Variants in ERO1B observed in about 807,000 individuals in gnomAD.
ERO1B encodes endoplasmic reticulum oxidoreductase 1 beta.
A neutral mutation model predicts 75.3 loss-of-function variants in ERO1B; 49 were observed. The observed-to-expected ratio is 0.65, with a 90% CI of 0.52 to 0.83. The LOEUF (loss-of-function observed/expected upper bound fraction) is 0.83. ERO1B is among the 40% of genes least tolerant of loss of function. ERO1B has a pLI of 0.00. For missense variants in ERO1B, 512 were observed against 560.1 expected, an observed-to-expected ratio of 0.91 and a Z score of 0.87; for synonymous variants, 191 against 192.9, an observed-to-expected ratio of 0.99 and a Z score of 0.08.
intron 2 of ERO1B, among the ~76,000 whole-genome samples, chr1:236,257,291 C>T (rs1665180323): frequency 6.6e-6 from 1 of 152,160 alleles, no homozygotes; most frequent in Non-Finnish European, 1.5e-5. Context: ...ATATAATACA[C>T]AGAAACCAAT....
intron 2 of ERO1B, among the ~76,000 whole-genome samples, chr1:236,259,523 A>G (rs1196881948): frequency 6.6e-6 from 1 of 152,176 alleles, no homozygotes; most frequent in Non-Finnish European, 1.5e-5. Flanking sequence ...CTAAGGACAC[A>G]CACAGACTGA....
At chr1:236,225,662 C>T (rs548105013) in intron 12 of ERO1B, among the ~76,000 whole-genome samples, 6 of 152,304 alleles carry the variant, frequency 3.9e-5, no homozygotes, top group East Asian at 3.9e-4. Flanking sequence ...AGGCCAGGCG[C>T]GATGGCCCAT....
At chr1:236,223,565 T>C (rs1279561453) in intron 13 of ERO1B, among the ~76,000 whole-genome samples, 3 of 152,208 alleles carry the variant, frequency 2.0e-5, no homozygotes, top group African/African-American at 7.2e-5. Flanking sequence ...TGTAAGTTCT[T>C]TGCAGCAGAT....
chr1:236,235,020 A>T (rs910295234), intron 8 of ERO1B, among the ~76,000 whole-genome samples: 1 of 152,246 alleles, frequency 6.6e-6, no homozygotes, highest in African/African-American at 2.4e-5. Flanking sequence ...TAGTCTTACC[A>T]AAACAATAAG....
chr1:236,219,303 T>TA (rs1664075826), intron 15 of ERO1B, among the ~76,000 whole-genome samples: 1 of 152,118 alleles, frequency 6.6e-6, no homozygotes, highest in African/African-American at 2.4e-5. Context: ...ATACCACTAC[T>TA]AAAGGGCAGG....
chr1:236,266,238 C>G (rs1665432322), intron 2 of ERO1B, among the ~76,000 whole-genome samples: 1 of 152,246 alleles, frequency 6.6e-6, no homozygotes, highest in African/African-American at 2.4e-5. Flanking sequence ...CAGCAGCCAA[C>G]TGCCCAACTG....
At chr1:236,248,656 T>C (rs1270888082) in intron 5 of ERO1B, among the ~76,000 whole-genome samples, 1 of 152,142 alleles carries the variant, frequency 6.6e-6, no homozygotes, top group Non-Finnish European at 1.5e-5. Context: ...ATATAGGATA[T>C]CATTTATACA....
Position 236,236,396 on chromosome 1 carries a change from C to T in ERO1B, c.508G>A (p.Glu170Lys). The change falls in exon 7 of 16, where the codon GAG becomes AAG. Residue 170 changes from glutamate (E) to lysine (K), a missense_variant and splice_region_variant. Glu to Lys is a moderately conservative substitution (Grantham distance 56, BLOSUM62 1). Transcript: ENST00000354619. Reference sequence around the variant, plus strand: ...ACATACTGAGCAGCTGGAGATCTCTCATCTGAACAAGAAAAAATTCATAAA... The same window carrying T: ...ACATACTGAGCAGCTGGAGATCTCTTATCTGAACAAGAAAAAATTCATAAA... ...SRDHFCELDDERSPAAQYVDL... is the reference protein window; with the variant it reads ...SRDHFCELDDKRSPAAQYVDL... 1 of 1,613,350 alleles carries T rather than the reference C, an allele frequency of 6.2e-7. No homozygotes were observed.
At chr1:236,273,440 C>A (rs932895193) in intron 1 of ERO1B, among the ~76,000 whole-genome samples, 5 of 152,066 alleles carry the variant, frequency 3.3e-5, no homozygotes, top group African/African-American at 1.2e-4. Context: ...TACCACAATC[C>A]AAATTTAGAT....
chr1:236,236,180 G>T, intron 7 of ERO1B, 98 bp downstream of exon 7: 2 of 1,471,702 alleles, frequency 1.4e-6, no homozygotes, highest in Non-Finnish European at 1.9e-6. Context: ...ACCCACCTTG[G>T]CCTCCCAAAG....
In ERO1B at chr1:236,269,949, C is replaced by T. The variant is rs764626814; in HGVS notation, c.148G>A (p.Asp50Asn). 3.7e-6 allele frequency: 6 copies of T among 1,604,236 alleles called. No homozygotes were observed. The highest frequency in any genetic ancestry group is 1.7e-4 in the Middle Eastern group (1 of 6,030). Residue 50 changes from aspartate to asparagine, a missense_variant, in exon 2 of 16, where the codon GAT (aspartate) becomes AAT (asparagine). By Grantham distance (23) the Asp-to-Asn change is conservative. Coordinates refer to ENST00000354619, the MANE Select transcript of ERO1B (RefSeq NM_019891.4). ...DDCLCDIDSI[D>N]NFNTYKIFPK... ...AAGATTTTGTAGGTATTGAAGTTAT[C>T]GATGCTGTCAATATCACACAAGCAA...
intron 6 of ERO1B, among the ~76,000 whole-genome samples, chr1:236,241,468 C>A (rs1476358556): frequency 1.1e-4 from 16 of 151,802 alleles, no homozygotes; most frequent in Non-Finnish European, 7.4e-5. Context: ...TTGCTTGAAC[C>A]TAGGAGACAG....
At chr1:236,247,440 T>C (rs556666264) in intron 5 of ERO1B, among the ~76,000 whole-genome samples, 9 of 152,320 alleles carry the variant, frequency 5.9e-5, no homozygotes, top group Admixed American at 4.6e-4. Context: ...CAAATCCTGT[T>C]AGCTTTATCT....
Position 236,217,672 on chromosome 1 carries a change from GT to G in ERO1B, c.*843del, listed in dbSNP as rs1558503090. On this transcript the variant is annotated 3_prime_UTR_variant, in exon 16 of 16. Transcript: ENST00000354619. The stretch of plus-strand genomic sequence containing the variant: ...AAGTAATCTGTTAAATATTTCTGCA[GT>G]GTTTTCTTTCTAAAAGTAACTGACA... The G allele has an allele frequency of 1.3e-5, 2 of 152,518 alleles. No individual in the cohort carries two copies. The highest frequency in any genetic ancestry group is 6.6e-5 in the Admixed American group (1 of 15,262). The allele number at this position is 152,518 out of a possible 1,614,324, so 9.4% of individuals were successfully genotyped here. A position where few individuals can be genotyped will look rare whatever the true frequency, so the allele number is the denominator to read the frequency against.
At chr1:236,249,733 T>C (rs111670347) in intron 5 of ERO1B, 152 bp downstream of exon 5, 59 of 530,368 alleles carry the variant, frequency 1.1e-4, no homozygotes, top group African/African-American at 1.1e-3. Context: ...AAAGCTATTA[T>C]GAAATTTAGG....
intron 9 of ERO1B, among the ~76,000 whole-genome samples, chr1:236,232,010 T>C (rs767516627): frequency 6.6e-6 from 1 of 152,210 alleles, no homozygotes; most frequent in Non-Finnish European, 1.5e-5. Context: ...CTGCATGCTG[T>C]TTCCTCCAAC....
intron 1 of ERO1B, among the ~76,000 whole-genome samples, chr1:236,280,122 C>G (rs530958642): frequency 6.6e-5 from 10 of 152,052 alleles, no homozygotes; most frequent in African/African-American, 2.4e-4. Flanking sequence ...CATCTCTACA[C>G]AAGAATTTTA....
chr1:236,244,863 A>G lies in ERO1B; in HGVS notation c.432-1368T>C, dbSNP rs567157308. Among the ~76,000 whole-genome samples, 24 of 152,340 alleles carry G rather than the reference A, an allele frequency of 1.6e-4. 1 individual carries two copies. The highest frequency in any genetic ancestry group is 8.3e-4 in the South Asian group (4 of 4,834). On this transcript the variant is annotated intron_variant, in intron 5 of 15. Coordinates refer to ENST00000354619, the MANE Select transcript of ERO1B (RefSeq NM_019891.4). ...AGATGGATGCAACACTATTTGCATG[A>G]GAATTTCTTGGACTTAACTCAGCAC...
At chr1:236,226,814 T>C in intron 10 of ERO1B, 75 bp from the exon 11 acceptor site, 3 of 1,035,736 alleles carry the variant, frequency 2.9e-6, no homozygotes, top group Non-Finnish European at 4.4e-6. Context: ...AGGTTCAGTA[T>C]GTAGGCTTAT....
Sources: allele counts gnomAD v4.1 joint callset (sites outside exome capture counted in the v4.1 genomes callset), GRCh38; gene constraint gnomAD v4.1.1; transcripts MANE v1.5; gene names NCBI Gene and HGNC (gene_info 2026-07-23, HGNC 2026-07-21).